Variants in EFR3B observed in about 807,000 individuals in gnomAD.
The protein encoded by EFR3B is EFR3 homolog B.
Under a neutral mutation model 104.7 loss-of-function variants are expected in EFR3B, and 64 were observed. The ratio of observed to expected loss-of-function variants is 0.61; its 90% CI spans 0.50 to 0.75. The LOEUF is 0.75. Among genes scored for constraint, EFR3B ranks in the 30% least tolerant of loss-of-function variants. EFR3B has a pLI of 0.00. For missense variants in EFR3B, 750 were observed against 1,078.5 expected (o/e 0.70, Z 4.27); for synonymous variants, 385 against 417.9 (o/e 0.92, Z 0.96).
chr2:25,126,879 C>G (rs1259609879), intron 5 of EFR3B, among the ~76,000 whole-genome samples: 1 of 151,806 alleles, frequency 6.6e-6, no homozygotes, highest in Non-Finnish European at 1.5e-5. Flanking sequence ...ACAATGATGC[C>G]CATCATAGCA....
At chr2:25,088,379 C>G (rs1406403657) in intron 1 of EFR3B, among the ~76,000 whole-genome samples, 3 of 152,120 alleles carry the variant, frequency 2.0e-5, no homozygotes, top group Non-Finnish European at 2.9e-5. Context: ...GTTTCAGACC[C>G]ACGTGGGAAA....
At chr2:25,141,556 A>T in intron 17 of EFR3B, 123 bp downstream of exon 17, 2 of 1,002,348 alleles carry the variant, frequency 2.0e-6, no homozygotes, top group Admixed American at 2.7e-5. Flanking sequence ...CAAGGGCAGA[A>T]GGTGGGCTCT....
In EFR3B at chr2:25,042,548, T is replaced by G; in HGVS notation, c.7+229T>G. On this transcript the variant is annotated intron_variant, in intron 1 of 22. Coordinates refer to ENST00000403714, the MANE Select transcript of EFR3B (RefSeq NM_014971.2). This position sits in a 1 kb window ranked among gnomAD's most constrained non-coding sequence, Gnocchi z 5.4. ...CTCCAGGCCCGGCGCGTGCCGGTGC[T>G]GGGCGGTGGTCCTTCGGGGGGCGGA... is the stretch of plus-strand genomic sequence containing the variant. 1 of 1,203,498 alleles carries G rather than the reference T, an allele frequency of 8.3e-7. No homozygotes were observed. The highest frequency in any genetic ancestry group is 1.0e-6 in the Non-Finnish European group (1 of 970,100). The allele number at this position is 1,203,498 out of a possible 1,614,324, so 74.6% of individuals were successfully genotyped here.
At chr2:25,070,020 A>G (rs542175687) in intron 1 of EFR3B, among the ~76,000 whole-genome samples, 1 of 152,278 alleles carries the variant, frequency 6.6e-6, no homozygotes, top group Admixed American at 6.5e-5. Flanking sequence ...TTGATTCATC[A>G]GGTCATTGAT....
chr2:25,127,520 A>G (rs1227901282), intron 5 of EFR3B, among the ~76,000 whole-genome samples: 1 of 152,164 alleles, frequency 6.6e-6, no homozygotes, highest in African/African-American at 2.4e-5. Flanking sequence ...CTTTTCTATG[A>G]TTAGTATGTA....
chr2:25,131,878 C>T lies in EFR3B; in HGVS notation c.1114C>T (p.Arg372Cys), dbSNP rs1329255340. Residue 372 changes from arginine to cysteine, a missense_variant, in exon 10 of 23, where the codon CGC becomes TGC. By Grantham distance (180) the Arg-to-Cys change is radical. Transcript: ENST00000403714. The surrounding 1 kb of genome is among the most constrained non-coding windows in gnomAD (Gnocchi z 7.6). Reference protein sequence around the residue: ...GTKIIKEHEERMFQEAVIKTV... With the variant: ...GTKIIKEHEECMFQEAVIKTV... ...CAAGATCATCAAGGAGCACGAGGAG[C>T]GCATGTTCCAGGAGGCCGTCATCAA... 1.3e-6 allele frequency: 2 copies of T among 1,543,932 alleles called. No individual in the cohort carries two copies. Among genetic ancestry groups the T allele is most frequent in the Admixed American group, 4.0e-5 (2 of 49,920 alleles).
chr2:25,143,749 T>C lies in EFR3B; in HGVS notation c.1937T>C (p.Leu646Pro). 6.4e-7 allele frequency: 1 copy of C among 1,551,536 alleles called. No individual in the cohort carries two copies. The highest frequency in any genetic ancestry group is 1.4e-5 in the African/African-American group (1 of 73,126). ...TCATCTTCCAGGCTGTCTCAGAATC[T>C]TGATGGGGTGGTCATTGAGCTCCTC... ...FVERPRLSQN[L>P]DGVVIELLFR... The change falls in exon 18 of 23, where the codon CTT becomes CCT. Residue 646 changes from leucine (L) to proline (P), a missense_variant. By Grantham distance (98) the Leu-to-Pro change is moderately conservative (BLOSUM62 -3). Coordinates refer to ENST00000403714, the MANE Select transcript of EFR3B (RefSeq NM_014971.2).
In EFR3B at chr2:25,114,834, C is replaced by G. The variant is rs1398531460; in HGVS notation, c.364-6839C>G. Among the ~76,000 whole-genome samples, 1 of 152,190 alleles carries G rather than the reference C, an allele frequency of 6.6e-6. No individual in the cohort carries two copies. The highest frequency in any genetic ancestry group is 1.5e-5 in the Non-Finnish European group (1 of 68,036). The stretch of plus-strand genomic sequence containing the variant: ...GCTGTGGGACCAGTTTACCCTGGGC[C>G]AAGTACATGCGACCTGTAGATCCCC... On this transcript the variant is annotated intron_variant, in intron 4 of 22. Transcript: ENST00000403714. The surrounding 1 kb of genome is among the most constrained non-coding windows in gnomAD (Gnocchi z 4.0).
rs1670335939 is a variant in EFR3B at position 25,131,568 on chromosome 2, G to A, written c.985+65G>A. On this transcript the variant is annotated intron_variant, in intron 9 of 22. Coordinates refer to ENST00000403714, the MANE Select transcript of EFR3B (RefSeq NM_014971.2). The surrounding 1 kb of genome is among the most constrained non-coding windows in gnomAD (Gnocchi z 7.6). ...CGGAGGCTGCCGCCTCTTACAGAGA[G>A]AGGCAAGGGACAACAGGGAGGGGTC... The A allele has an allele frequency of 1.3e-6, 2 of 1,538,828 alleles. No homozygotes were observed. The highest frequency in any genetic ancestry group is 1.8e-6 in the Non-Finnish European group (2 of 1,140,124).
intron 1 of EFR3B, chr2:25,080,736 T>C (rs1366954587): frequency 1.6e-6 from 2 of 1,259,296 alleles, no homozygotes; most frequent in Non-Finnish European, 2.3e-6. Context: ...TTCAGTCCTG[T>C]AGATCAAAGA....
At position 25,135,654 on chromosome 2, in the gene EFR3B, TCTC is replaced by T; in HGVS notation, c.1484+20_1484+22del. ...TCTACCATCAGGTGAACTTGGGGTG[TCTC>T]CTCCAGGCAATGCAAGATGGGGAGA... On this transcript the variant is annotated intron_variant, in intron 13 of 22. Transcript: ENST00000403714. The T allele has an allele frequency of 6.4e-7, 1 of 1,551,874 alleles. No homozygotes were observed. Among genetic ancestry groups the T allele is most frequent in the Non-Finnish European group, 8.7e-7 (1 of 1,147,048 alleles).
intron 1 of EFR3B, among the ~76,000 whole-genome samples, chr2:25,060,716 C>G (rs1668167887): frequency 6.6e-6 from 1 of 151,782 alleles, no homozygotes; most frequent in Non-Finnish European, 1.5e-5. Context: ...GTCAGGAGAT[C>G]GAGACCATCA....
At position 25,154,136 on chromosome 2, in the gene EFR3B, A is replaced by T; in HGVS notation, c.2349-99A>T. ...ATGAAGGGGTCTCTGGTGCCTGTGC[A>T]AAAAGAAACCCAAGTCACCTACTCT... On this transcript the variant is annotated intron_variant, in intron 22 of 22. Transcript: ENST00000403714. This position sits in a 1 kb window ranked among gnomAD's most constrained non-coding sequence, Gnocchi z 4.1. 8.9e-7 allele frequency: 1 copy of T among 1,123,722 alleles called. No individual in the cohort carries two copies. The highest frequency in any genetic ancestry group is 1.3e-6 in the Non-Finnish European group (1 of 779,918). 69.6% of individuals were successfully genotyped at this position (1,123,722 alleles called of 1,614,324 possible).
intron 1 of EFR3B, among the ~76,000 whole-genome samples, chr2:25,068,786 C>T (rs144470917): frequency 1.6e-4 from 24 of 151,720 alleles, no homozygotes; most frequent in African/African-American, 5.6e-4. Flanking sequence ...CCTGTCACCA[C>T]GCCCAGCTAA....
At chr2:25,149,657 C>G in intron 19 of EFR3B, 37 bp from the exon 20 acceptor site, 1 of 1,549,654 alleles carries the variant, frequency 6.5e-7, no homozygotes, top group Non-Finnish European at 8.7e-7. Context: ...TTCTCTGCCC[C>G]CTGCCTTTCT....
At chr2:25,096,736 G>A (rs939032585) in intron 3 of EFR3B, among the ~76,000 whole-genome samples, 5 of 152,082 alleles carry the variant, frequency 3.3e-5, no homozygotes, top group Admixed American at 3.3e-4. Flanking sequence ...CCCCACTGCC[G>A]TCCAAGGCCC....
intron 1 of EFR3B, among the ~76,000 whole-genome samples, chr2:25,077,897 C>T (rs1472325530): frequency 6.6e-6 from 1 of 151,916 alleles, no homozygotes; most frequent in African/African-American, 2.4e-5. Context: ...TAAAATTGTC[C>T]CCATTGGAGG....
chr2:25,138,686 AAGCCAATCC>A (rs992267456), intron 15 of EFR3B, among the ~76,000 whole-genome samples: 16 of 152,342 alleles, frequency 1.1e-4, no homozygotes, highest in African/African-American at 3.1e-4. Context: ...CCAGTTTAGC[AAGCCAATCC>A]AGTCCTCTAA....
chr2:25,063,679 G>C (rs945692688), intron 1 of EFR3B, among the ~76,000 whole-genome samples: 5 of 152,212 alleles, frequency 3.3e-5, no homozygotes, highest in Admixed American at 3.3e-4. Context: ...AACCGATTGT[G>C]AGAGCTTCAT....
Sources: gnomAD v4.1 joint callset for allele counts (sites outside exome capture counted in the v4.1 genomes callset) on GRCh38, gnomAD v4.1.1 for gene constraint, Gnocchi (gnomAD v3.1) non-coding constraint, MANE v1.5 for transcripts, NCBI Gene and HGNC (gene_info 2026-07-23, HGNC 2026-07-21) for gene names.